FAM114A2: variants seen among roughly 807,000 people sequenced by gnomAD.
The protein encoded by FAM114A2 is protein FAM114A2.
FAM114A2 carries 53 observed loss-of-function variants against 58.4 expected under a neutral mutation model. The ratio of observed to expected loss-of-function variants is 0.91; its 90% CI spans 0.73 to 1.14. The LOEUF is 1.14. Ranked by LOEUF, FAM114A2 falls within the 50% of genes most tolerant of loss-of-function variation. The pLI, the probability that FAM114A2 is intolerant of heterozygous loss-of-function variation, is 0.00. For synonymous variants in FAM114A2, 228 were observed against 211.4 expected (o/e 1.08, Z -0.68); for missense variants, 601 against 581.1 (o/e 1.03, Z -0.35).
intron 8 of FAM114A2, among the ~76,000 whole-genome samples, chr5:154,012,023 T>C (rs1770732767): frequency 6.6e-6 from 1 of 152,096 alleles, no homozygotes; most frequent in African/African-American, 2.4e-5. Context: ...CAGAATCACA[T>C]TTAAATTTTA....
At position 153,993,080 on chromosome 5, in the gene FAM114A2, C is replaced by T; in HGVS notation, c.1414G>A (p.Ala472Thr). The change falls in exon 14 of 14, where the codon GCC becomes ACC. Residue 472 changes from alanine to threonine, a missense_variant. Coordinates refer to ENST00000351797, the MANE Select transcript of FAM114A2 (RefSeq NM_018691.4). ...ASNSASYIQD[A>T]FQLLLPVLEI... Reference sequence around the variant, plus strand: ...AGCACAGGTAAGAGTAGCTGAAAGGCGTCCTGGATGTAGGAGGCACTGTTT... The same window carrying T: ...AGCACAGGTAAGAGTAGCTGAAAGGTGTCCTGGATGTAGGAGGCACTGTTT... 2.5e-6 allele frequency: 4 copies of T among 1,611,816 alleles called. No homozygotes were observed. The highest frequency in any genetic ancestry group is 1.7e-5 in the Admixed American group (1 of 59,954).
chr5:154,003,179 A>AT (rs1169742842), intron 9 of FAM114A2, among the ~76,000 whole-genome samples: 1,505 of 144,824 alleles, frequency 0.01, 39 homozygotes, highest in African/African-American at 0.035. Context: ...AATTGGTAGT[A>AT]TTTTTTTTTT....
chr5:153,997,802 C>T lies in FAM114A2; in HGVS notation c.1329+1G>A, dbSNP rs141285536. On this transcript the variant is annotated splice_donor_variant, in intron 12 of 13. Transcript: ENST00000351797. LOFTEE classifies it high-confidence loss of function. ...TTGCAGTAAGAGGCATGGATTCTTA[C>T]CCCAGCAGTTGTTAGGCAGGTAGTG... is the stretch of plus-strand genomic sequence containing the variant. The T allele has an allele frequency of 2.5e-5, 38 of 1,545,842 alleles. No individual in the cohort carries two copies. Among genetic ancestry groups the T allele is most frequent in the South Asian group, 8.9e-5 (8 of 89,406 alleles).
chr5:154,028,018 C>T, intron 6 of FAM114A2, 131 bp downstream of exon 6: 1 of 761,268 alleles, frequency 1.3e-6, no homozygotes, highest in Non-Finnish European at 2.1e-6. Flanking sequence ...CCTGATCCCC[C>T]CAAAAAAACG....
At position 154,023,125 on chromosome 5, in the gene FAM114A2, T is replaced by C. The variant is rs149846093; in HGVS notation, c.913+3274A>G. ...CACAGGGCGGGGAACATCACACACCTGGGCCTGTCGTGGGGTCAGGGGATG... is the reference window on the plus strand; with the variant it reads ...CACAGGGCGGGGAACATCACACACCCGGGCCTGTCGTGGGGTCAGGGGATG... On this transcript the variant is annotated intron_variant, in intron 8 of 13. Coordinates refer to ENST00000351797, the MANE Select transcript of FAM114A2 (RefSeq NM_018691.4). Among the ~76,000 whole-genome samples, 970 of 151,382 alleles carry C rather than the reference T, an allele frequency of 6.4e-3. 37 individuals carry two copies. The East Asian group carries it at 0.12, about 18-fold the overall frequency.
rs1459599354 is a variant in FAM114A2, at chr5:154,002,899, T to C, written c.1064A>G (p.Glu355Gly). ...TKPLAENEEG[E>G]KQSEAENTEQ... The stretch of plus-strand genomic sequence containing the variant: ...AGTATTTTCTGCTTCCGACTGTTTT[T>C]CTCCTTCTTCATTCTCTGCTAATGG... Residue 355 changes from glutamate to glycine, a missense_variant, in exon 10 of 14, where the codon GAA becomes GGA. Coordinates refer to ENST00000351797, the MANE Select transcript of FAM114A2 (RefSeq NM_018691.4). 2.2e-5 allele frequency: 35 copies of C among 1,614,098 alleles called. No individual in the cohort carries two copies. The highest frequency in any genetic ancestry group is 3.0e-5 in the Non-Finnish European group (35 of 1,179,940).
chr5:154,015,968 A>G (rs1771012559), intron 8 of FAM114A2, among the ~76,000 whole-genome samples: 1 of 152,120 alleles, frequency 6.6e-6, no homozygotes, highest in African/African-American at 2.4e-5. Context: ...ACTTACAGAA[A>G]TGCAAAATGC....
At position 154,033,842 on chromosome 5, in the gene FAM114A2, G is replaced by C. The variant is rs1351186979; in HGVS notation, c.352C>G (p.Leu118Val). ...ATTTCACTGGGACCAGGGATTCCAAGGGAAGTCTCTGCCTTCTCGATGACA... is the reference window on the plus strand; with the variant it reads ...ATTTCACTGGGACCAGGGATTCCAACGGAAGTCTCTGCCTTCTCGATGACA... ...SNVIEKAETS[L>V]GIPGPSEIST... Residue 118 changes from leucine to valine, a missense_variant, in exon 4 of 14, where the codon CTT (leucine) becomes GTT (valine). Leu to Val is a conservative substitution (Grantham distance 32). Transcript: ENST00000351797. 6.2e-7 allele frequency: 1 copy of C among 1,610,964 alleles called. No homozygotes were observed. The highest frequency in any genetic ancestry group is 1.1e-5 in the South Asian group (1 of 90,916).
intron 8 of FAM114A2, among the ~76,000 whole-genome samples, chr5:154,025,592 G>C (rs1157050285): frequency 1.3e-5 from 2 of 152,026 alleles, no homozygotes; most frequent in Non-Finnish European, 2.9e-5. Flanking sequence ...ATGGGTGATT[G>C]GCCCTATGTC....
At chr5:154,007,075 G>C (rs551500555) in intron 9 of FAM114A2, among the ~76,000 whole-genome samples, 5 of 152,166 alleles carry the variant, frequency 3.3e-5, no homozygotes, top group African/African-American at 7.2e-5. Context: ...GATTACAGGC[G>C]TGAGCCACCG....
Position 153,992,905 on chromosome 5 carries a change from C to A in FAM114A2, c.*71G>T. 7.2e-7 allele frequency: 1 copy of A among 1,390,632 alleles called. No individual in the cohort carries two copies. The highest frequency in any genetic ancestry group is 9.9e-7 in the Non-Finnish European group (1 of 1,008,206). 86.1% of individuals were successfully genotyped at this position (1,390,632 alleles called of 1,614,324 possible). The stretch of plus-strand genomic sequence containing the variant: ...CTAAAATAACCCCACTCCTTCATTT[C>A]TGCAGGAGTAGCCAGAATAAGGTGG... On this transcript the variant is annotated 3_prime_UTR_variant, in exon 14 of 14. Coordinates refer to ENST00000351797, the MANE Select transcript of FAM114A2 (RefSeq NM_018691.4).
At chr5:154,003,464 C>CGG (rs1561545914) in intron 9 of FAM114A2, among the ~76,000 whole-genome samples, 1 of 152,176 alleles carries the variant, frequency 6.6e-6, no homozygotes, top group Non-Finnish European at 1.5e-5. Flanking sequence ...CAGGCATGAG[C>CGG]CACTGCGCCC....
chr5:154,033,962 A>G (rs1772363498), intron 3 of FAM114A2, 79 bp from the exon 4 acceptor site: 2 of 892,870 alleles, frequency 2.2e-6, no homozygotes, highest in Non-Finnish European at 3.6e-6. Flanking sequence ...AAGATTTTTA[A>G]AATCATTTAG....
chr5:154,007,119 G>A (rs570005424), intron 9 of FAM114A2, among the ~76,000 whole-genome samples: 1 of 152,176 alleles, frequency 6.6e-6, no homozygotes, highest in East Asian at 1.9e-4. Context: ...TAGGCATAGA[G>A]CATACCCAAA....
intron 8 of FAM114A2, among the ~76,000 whole-genome samples, chr5:154,012,880 G>C (rs1190437405): frequency 1.3e-5 from 2 of 151,836 alleles, no homozygotes; most frequent in African/African-American, 4.8e-5. Flanking sequence ...ATTCAATGGA[G>C]GGCAGGAAAA....
intron 8 of FAM114A2, among the ~76,000 whole-genome samples, chr5:154,024,601 G>A (rs1771657868): frequency 6.6e-6 from 1 of 152,042 alleles, no homozygotes; most frequent in Non-Finnish European, 1.5e-5. Context: ...TATTTTAATA[G>A]CCTTTTCAGA....
chr5:154,014,121 G>A (rs1236901026), intron 8 of FAM114A2, among the ~76,000 whole-genome samples: 5 of 152,152 alleles, frequency 3.3e-5, no homozygotes, highest in Non-Finnish European at 7.3e-5. Context: ...GGCAGCTTTA[G>A]AAACTTGTAT....
intron 13 of FAM114A2, 54 bp downstream of exon 13, chr5:153,994,865 G>A: frequency 6.9e-6 from 8 of 1,159,212 alleles, no homozygotes; most frequent in Non-Finnish European, 1.0e-5. Context: ...GGCTTCAGAA[G>A]AGTTAATTAT....
At chr5:154,037,728 T>C (rs1278676455) in intron 1 of FAM114A2, among the ~76,000 whole-genome samples, 1 of 152,188 alleles carries the variant, frequency 6.6e-6, no homozygotes, top group Non-Finnish European at 1.5e-5. Flanking sequence ...AATATATTTT[T>C]AAAGACAGGG....
Sources: allele counts gnomAD v4.1 joint callset (sites outside exome capture counted in the v4.1 genomes callset), GRCh38; gene constraint gnomAD v4.1.1; transcripts MANE v1.5; gene names NCBI Gene and HGNC (gene_info 2026-07-23, HGNC 2026-07-21).